Variants in MYOM1 observed in about 807,000 individuals in gnomAD.
The protein encoded by MYOM1 is myomesin 1.
MYOM1 carries 164 observed loss-of-function variants against 205.3 expected under a neutral mutation model. The observed-to-expected ratio is 0.80, with a 90% CI of 0.70 to 0.91. The LOEUF is 0.91. Among genes scored for constraint, MYOM1 ranks in the 40% least tolerant of loss-of-function variants. The probability of loss-of-function intolerance (pLI) is 0.00; values close to 1 mark genes in which losing one functional copy is unlikely to be tolerated. For synonymous variants in MYOM1, 772 were observed against 789.4 expected, an observed-to-expected ratio of 0.98 and a Z score of 0.37; for missense variants, 2,011 against 2,127.3, an observed-to-expected ratio of 0.95 and a Z score of 1.08.
At chr18:3,130,452 A>T (rs1180129057) in intron 17 of MYOM1, among the ~76,000 whole-genome samples, 1 of 152,004 alleles carries the variant, frequency 6.6e-6, no homozygotes, top group East Asian at 1.9e-4. Context: ...ATTTTATTTT[A>T]TTTATTTATT....
At chr18:3,151,970 C>A in intron 11 of MYOM1, 77 bp from the exon 12 acceptor site, 4 of 1,433,696 alleles carry the variant, frequency 2.8e-6, no homozygotes, top group South Asian at 1.3e-5. Context: ...TGCAGAATCA[C>A]CCAGTTGTTT....
chr18:3,161,785 G>C (rs2144038293), intron 10 of MYOM1, among the ~76,000 whole-genome samples: 1 of 152,268 alleles, frequency 6.6e-6, no homozygotes, highest in Non-Finnish European at 1.5e-5. Flanking sequence ...CTAATTAACT[G>C]AAGTTTTTGG....
chr18:3,224,987 T>C, the MYOM1 span, among the ~76,000 whole-genome samples: 1 of 150,000 alleles, frequency 6.7e-6, no homozygotes, highest in Non-Finnish European at 1.5e-5. Flanking sequence ...TATTATTTTA[T>C]TTTATTTTAT....
At chr18:3,077,452 T>C (rs1341970170) in intron 34 of MYOM1, among the ~76,000 whole-genome samples, 1 of 152,200 alleles carries the variant, frequency 6.6e-6, no homozygotes, top group Admixed American at 6.5e-5. Flanking sequence ...AAAATAAGTA[T>C]AAAGCTAGGC....
At chr18:3,193,317 T>C (rs1482706806) in intron 3 of MYOM1, among the ~76,000 whole-genome samples, 2 of 145,960 alleles carry the variant, frequency 1.4e-5, no homozygotes, top group African/African-American at 2.6e-5. Context: ...TATATATGTA[T>C]ATGTACATAT....
intron 33 of MYOM1, 53 bp from the exon 34 acceptor site, chr18:3,079,395 C>T (rs770909680): frequency 6.6e-7 from 1 of 1,523,138 alleles, no homozygotes; most frequent in African/African-American, 1.4e-5. Flanking sequence ...CAGGGCTGAT[C>T]TTTACTTTGT....
chr18:3,229,029 G>C, the MYOM1 span, among the ~76,000 whole-genome samples: 2 of 152,170 alleles, frequency 1.3e-5, no homozygotes, highest in Admixed American at 6.5e-5. Flanking sequence ...TTGTTACCTG[G>C]TCTCTAAGTG....
intron 10 of MYOM1, among the ~76,000 whole-genome samples, chr18:3,161,213 G>A (rs2080386457): frequency 6.6e-6 from 1 of 152,150 alleles, no homozygotes; most frequent in Non-Finnish European, 1.5e-5. Flanking sequence ...ATGCCTTTGT[G>A]GTGGAGAAAG....
chr18:3,172,390 G>C (rs1404932238), intron 8 of MYOM1, among the ~76,000 whole-genome samples: 2 of 152,194 alleles, frequency 1.3e-5, no homozygotes, highest in Non-Finnish European at 2.9e-5. Context: ...AGAGGAAAGG[G>C]AGAAACATGG....
chr18:3,197,670 G>T (rs12326799), intron 2 of MYOM1, among the ~76,000 whole-genome samples: 80,822 of 151,200 alleles, frequency 0.53, 22,875 homozygotes, highest in African/African-American at 0.73. Flanking sequence ...TCAGGAGATC[G>T]AGACCATCCT....
intron 13 of MYOM1, among the ~76,000 whole-genome samples, chr18:3,143,640 C>T (rs534528084): frequency 6.6e-6 from 1 of 152,190 alleles, no homozygotes; most frequent in Non-Finnish European, 1.5e-5. Context: ...ATGGCTCATG[C>T]CTGTAATCCA....
chr18:3,233,269 C>T, the MYOM1 span, among the ~76,000 whole-genome samples: 1 of 152,200 alleles, frequency 6.6e-6, no homozygotes, highest in East Asian at 1.9e-4. Flanking sequence ...GGATTACTTT[C>T]ATCATTTACC....
At chr18:3,160,912 G>A (rs1172044866) in intron 10 of MYOM1, among the ~76,000 whole-genome samples, 3 of 152,118 alleles carry the variant, frequency 2.0e-5, no homozygotes, top group Admixed American at 6.5e-5. Flanking sequence ...GGGTGTGGGC[G>A]CTGAGAAATG....
rs772242115 is a variant in MYOM1 at position 3,119,854 on chromosome 18, G to C, written c.3118+15C>G. 6.3e-7 allele frequency: 1 copy of C among 1,593,516 alleles called. No homozygotes were observed. ...ATTCCGAGGTGCGGTGTGGAGGCAG[G>C]TGTCTGTGGTTTACCTGGGACGGCG... On this transcript the variant is annotated intron_variant, in intron 20 of 37. Coordinates refer to ENST00000356443, the MANE Select transcript of MYOM1 (RefSeq NM_003803.4).
chr18:3,085,004 C>A (rs1478829152), intron 31 of MYOM1, 41 bp downstream of exon 31: 1 of 1,440,846 alleles, frequency 6.9e-7, no homozygotes, highest in Non-Finnish European at 9.6e-7. Flanking sequence ...AAGCTGTATG[C>A]AGAAACACAC....
chr18:3,081,227 A>G (rs897955242), intron 33 of MYOM1, among the ~76,000 whole-genome samples: 5 of 152,226 alleles, frequency 3.3e-5, no homozygotes, highest in African/African-American at 1.2e-4. Flanking sequence ...GGTAACATGA[A>G]TAAGGGTACC....
chr18:3,128,030 T>C (rs1460819445), intron 18 of MYOM1, among the ~76,000 whole-genome samples: 1 of 152,218 alleles, frequency 6.6e-6, no homozygotes, highest in Non-Finnish European at 1.5e-5. Flanking sequence ...GAAATACATC[T>C]AGATATGCAA....
intron 22 of MYOM1, among the ~76,000 whole-genome samples, chr18:3,109,015 C>G (rs1305777895): frequency 6.6e-6 from 1 of 151,384 alleles, no homozygotes; most frequent in African/African-American, 2.4e-5. Flanking sequence ...GAGTCTTGCT[C>G]TGTTGCCCAG....
intron 5 of MYOM1, among the ~76,000 whole-genome samples, chr18:3,186,336 A>G (rs1157741708): frequency 6.6e-6 from 1 of 152,266 alleles, no homozygotes; most frequent in East Asian, 1.9e-4. Flanking sequence ...ACTCTGGGTG[A>G]CAGTGACATT....
Sources: gnomAD v4.1 joint callset for allele counts (sites outside exome capture counted in the v4.1 genomes callset) on GRCh38, gnomAD v4.1.1 for gene constraint, MANE v1.5 for transcripts, NCBI Gene and HGNC (gene_info 2026-07-23, HGNC 2026-07-21) for gene names.